KCNMA1: variants seen among roughly 807,000 people sequenced by gnomAD.
KCNMA1 encodes potassium calcium-activated channel subfamily M alpha 1, also known as Calcium-activated potassium channel subunit alpha-1.
KCNMA1 carries 29 observed loss-of-function variants against 140.0 expected under a neutral mutation model. That is an observed-to-expected ratio of 0.21 (90% CI 0.15 to 0.28). The LOEUF (loss-of-function observed/expected upper bound fraction) is 0.28. Ranked by LOEUF, KCNMA1 falls within the 10% of genes least tolerant of loss-of-function variation. The pLI, the probability that KCNMA1 is intolerant of heterozygous loss-of-function variation, is 1.00. For missense variants in KCNMA1, 880 were observed against 1,602.2 expected (o/e 0.55, Z 7.70); for synonymous variants, 612 against 611.9 (o/e 1.00, Z 0.00).
At chr10:77,494,383 GCA>G (rs1216295776) in intron 1 of KCNMA1, among the ~76,000 whole-genome samples, 2 of 152,236 alleles carry the variant, frequency 1.3e-5, no homozygotes, top group Non-Finnish European at 2.9e-5. Flanking sequence ...GCTAGCCTCA[GCA>G]CACACATTCC....
intron 1 of KCNMA1, among the ~76,000 whole-genome samples, chr10:77,479,983 G>A (rs1485904385): frequency 1.3e-5 from 2 of 152,158 alleles, no homozygotes; most frequent in Non-Finnish European, 2.9e-5. Flanking sequence ...TGACACTTCA[G>A]ATCTCAGAAA....
intron 9 of KCNMA1, among the ~76,000 whole-genome samples, chr10:77,099,500 C>CAG (rs2097037452): frequency 6.6e-6 from 1 of 152,034 alleles, no homozygotes; most frequent in East Asian, 1.9e-4. Context: ...GGATCACCTG[C>CAG]GGTCAGGAGT....
intron 1 of KCNMA1, among the ~76,000 whole-genome samples, chr10:77,510,865 T>A (rs1383269514): frequency 6.6e-6 from 1 of 152,162 alleles, no homozygotes; most frequent in Non-Finnish European, 1.5e-5. Flanking sequence ...CTTTTTGGCA[T>A]AACGCCAATT....
At chr10:77,525,724 C>A (rs1380263078) in intron 1 of KCNMA1, among the ~76,000 whole-genome samples, 6 of 152,214 alleles carry the variant, frequency 3.9e-5, no homozygotes, top group African/African-American at 9.7e-5. Context: ...GCCATGTGCA[C>A]CCCAGTTAAG....
At chr10:77,255,324 G>A (rs1319801390) in intron 2 of KCNMA1, among the ~76,000 whole-genome samples, 2 of 152,168 alleles carry the variant, frequency 1.3e-5, no homozygotes, top group Non-Finnish European at 2.9e-5. Flanking sequence ...TAAGGGCAGG[G>A]TGCAGTGGCT....
chr10:77,080,727 A>C (rs1013721910), intron 12 of KCNMA1, among the ~76,000 whole-genome samples: 1 of 152,132 alleles, frequency 6.6e-6, no homozygotes, highest in Admixed American at 6.5e-5. Context: ...AGCCCAAATC[A>C]TGGGGCCTCC....
intron 22 of KCNMA1, chr10:76,948,924 C>T: frequency 3.3e-6 from 2 of 608,276 alleles, no homozygotes; most frequent in South Asian, 1.9e-5. Flanking sequence ...AACTTCATCC[C>T]TGATGAGGGA....
chr10:77,092,537 C>T (rs531678588), intron 9 of KCNMA1, among the ~76,000 whole-genome samples: 2 of 152,298 alleles, frequency 1.3e-5, no homozygotes, highest in African/African-American at 2.4e-5. Context: ...AGGACAGATA[C>T]GTGGCTGAGG....
At chr10:77,547,786 A>G (rs904069646) in intron 1 of KCNMA1, among the ~76,000 whole-genome samples, 3 of 152,242 alleles carry the variant, frequency 2.0e-5, no homozygotes, top group African/African-American at 7.2e-5. Flanking sequence ...GGGCTGACCC[A>G]AAGATAACCA....
chr10:77,338,295 C>T (rs1013825605), intron 2 of KCNMA1, among the ~76,000 whole-genome samples: 1 of 152,194 alleles, frequency 6.6e-6, no homozygotes, highest in Non-Finnish European at 1.5e-5. Context: ...ACCCATCTCC[C>T]GCCCTCATGC....
At chr10:77,019,800 A>G (rs2092620720) in intron 16 of KCNMA1, 1 of 152,180 alleles carries the variant, frequency 6.6e-6, no homozygotes, top group African/African-American at 2.4e-5. Flanking sequence ...ATGTGTGTCT[A>G]GCATGTCCTA....
At chr10:77,581,271 G>A (rs11594152) in intron 1 of KCNMA1, among the ~76,000 whole-genome samples, 1,534 of 151,742 alleles carry the variant, frequency 0.01, 12 homozygotes, top group Middle Eastern at 0.02. Context: ...AAAAGCCAAA[G>A]CCAGGACAGA....
chr10:77,460,531 G>GCACACACACACACACACACA (rs59284219), intron 1 of KCNMA1, among the ~76,000 whole-genome samples: 6 of 147,918 alleles, frequency 4.1e-5, no homozygotes, highest in Admixed American at 1.4e-4. Context: ...GTACACACGT[G>GCACACACACACACACACACA]CACACACACA....
intron 17 of KCNMA1, 55 bp from the exon 18 acceptor site, chr10:77,012,098 G>C (rs1263699673): frequency 6.2e-7 from 1 of 1,611,330 alleles, no homozygotes; most frequent in East Asian, 2.2e-5. Context: ...CAAATGAAAT[G>C]AGTACCACAT....
chr10:77,353,986 G>GC (rs2093210775), intron 2 of KCNMA1, among the ~76,000 whole-genome samples: 1 of 130,526 alleles, frequency 7.7e-6, no homozygotes, highest in Admixed American at 7.7e-5. Context: ...GGGGGGTGGT[G>GC]GGGGTGGAGG....
At position 77,298,188 on chromosome 10, in the gene KCNMA1, C is replaced by T. The variant is rs16934486; in HGVS notation, c.541-46932G>A. On this transcript the variant is annotated intron_variant, in intron 2 of 27. Coordinates refer to ENST00000286628, the MANE Select transcript of KCNMA1 (RefSeq NM_001161352.2). ...GGACTGAGAGAAGAATCCTGGGGAACGGGCTAATGAGAAAGGCTACCTGAA... is the reference window on the plus strand; with the variant it reads ...GGACTGAGAGAAGAATCCTGGGGAATGGGCTAATGAGAAAGGCTACCTGAA... 2.3e-3 allele frequency among the ~76,000 whole-genome samples: 357 copies of T among 152,220 alleles called. 7 individuals carry two copies. In the East Asian group the frequency reaches 0.044, roughly 19 times the overall value.
chr10:76,886,619 G>A lies in KCNMA1; in HGVS notation c.*647C>T. ...AACTCCCAGAGGGAACTGGCTCTGG[G>A]ACAAAAGGCCTTGGTGAGTAACTAA... On this transcript the variant is annotated 3_prime_UTR_variant, in exon 28 of 28. Coordinates refer to ENST00000286628, the MANE Select transcript of KCNMA1 (RefSeq NM_001161352.2). 1 of 989,930 alleles carries A rather than the reference G, an allele frequency of 1.0e-6. No individual in the cohort carries two copies. The highest frequency in any genetic ancestry group is 1.2e-6 in the Non-Finnish European group (1 of 832,736). The allele number at this position is 989,930 out of a possible 1,614,324, so 61.3% of individuals were successfully genotyped here.
intron 1 of KCNMA1, among the ~76,000 whole-genome samples, chr10:77,570,593 A>AGGGAGAG (rs2070730312): frequency 2.4e-5 from 1 of 40,858 alleles, no homozygotes; most frequent in South Asian, 1.7e-3. Context: ...GTTGTGGGGT[A>AGGGAGAG]GGGGGAGGGG....
chr10:77,459,288 A>C (rs2097813937), intron 1 of KCNMA1, among the ~76,000 whole-genome samples: 1 of 152,224 alleles, frequency 6.6e-6, no homozygotes, highest in Non-Finnish European at 1.5e-5. Context: ...GCTTCTTCGC[A>C]ATGGGAATGT....
Sources: gnomAD v4.1 joint callset for allele counts (sites outside exome capture counted in the v4.1 genomes callset) on GRCh38, gnomAD v4.1.1 for gene constraint, MANE v1.5 for transcripts, NCBI Gene and HGNC (gene_info 2026-07-23, HGNC 2026-07-21) for gene names.